ABHD12: variants seen among roughly 807,000 people sequenced by gnomAD.
The protein encoded by ABHD12 is lysophosphatidylserine lipase ABHD12.
Under a neutral mutation model 58.3 loss-of-function variants are expected in ABHD12, and 43 were observed. The observed-to-expected ratio is 0.74, with a 90% CI of 0.58 to 0.95. ABHD12 has a LOEUF of 0.95. Ranked by LOEUF, ABHD12 falls within the 40% of genes least tolerant of loss-of-function variation. The pLI is 0.00. For synonymous variants in ABHD12, 219 were observed against 211.2 expected (o/e 1.04, Z -0.32); for missense variants, 539 against 537.2 (o/e 1.00, Z -0.03).
intron 1 of ABHD12, among the ~76,000 whole-genome samples, chr20:25,367,186 C>G (rs1229050728): frequency 6.6e-6 from 1 of 152,148 alleles, no homozygotes; most frequent in Non-Finnish European, 1.5e-5. Flanking sequence ...GATTACAGCA[C>G]ACTAATTTTA....
chr20:25,345,814 A>C (rs1433219000), intron 1 of ABHD12, among the ~76,000 whole-genome samples: 1 of 152,214 alleles, frequency 6.6e-6, no homozygotes, highest in East Asian at 1.9e-4. Context: ...GAGCAACAGG[A>C]ATTCTCATTC....
At chr20:25,315,223 T>C (rs950025062) in intron 5 of ABHD12, among the ~76,000 whole-genome samples, 2 of 151,960 alleles carry the variant, frequency 1.3e-5, no homozygotes, top group Non-Finnish European at 2.9e-5. Context: ...GCTTAGACGC[T>C]AGGGGGCCAG....
chr20:25,303,665 A>T, intron 10 of ABHD12, 37 bp from the exon 11 acceptor site: 1 of 1,612,020 alleles, frequency 6.2e-7, no homozygotes. Flanking sequence ...AAGACCAGGG[A>T]AAGGGCAGAG....
intron 4 of ABHD12, 82 bp from the exon 5 acceptor site, chr20:25,317,160 C>G: frequency 1.1e-6 from 1 of 906,058 alleles, no homozygotes; most frequent in Non-Finnish European, 1.8e-6. Flanking sequence ...TACCCCAAAC[C>G]AGGGGGAGGC....
intron 3 of ABHD12, 96 bp downstream of exon 3, chr20:25,323,226 GAAC>G (rs1821450882): frequency 2.5e-6 from 2 of 798,892 alleles, no homozygotes; most frequent in South Asian, 2.7e-5. Context: ...AGATAAAAAT[GAAC>G]AACATTTCAG....
intron 1 of ABHD12, among the ~76,000 whole-genome samples, chr20:25,355,741 T>G (rs1169362152): frequency 6.6e-6 from 1 of 152,088 alleles, no homozygotes; most frequent in Admixed American, 6.6e-5. Context: ...GTATTTTTAG[T>G]AGAGACGGGG....
intron 2 of ABHD12, among the ~76,000 whole-genome samples, chr20:25,328,519 G>A (rs2089214435): frequency 1.3e-5 from 2 of 152,212 alleles, no homozygotes; most frequent in South Asian, 4.1e-4. Flanking sequence ...GGCTTCCACT[G>A]GCTCCGCTTC....
At chr20:25,315,040 ACTAAACTCAT>A in intron 5 of ABHD12, 70 bp from the exon 6 acceptor site, 8 of 1,518,830 alleles carry the variant, frequency 5.3e-6, no homozygotes, top group Non-Finnish European at 7.3e-6. Context: ...CTTGCCGCTT[ACTAAACTCAT>A]CCAACTTTCT....
intron 1 of ABHD12, among the ~76,000 whole-genome samples, chr20:25,363,656 C>T (rs895252132): frequency 1.4e-4 from 22 of 152,136 alleles, no homozygotes; most frequent in Non-Finnish European, 3.1e-4. Flanking sequence ...TACCTGAGGT[C>T]AGGAGTTTGA....
At chr20:25,362,163 C>A (rs1326143783) in intron 1 of ABHD12, among the ~76,000 whole-genome samples, 1 of 152,084 alleles carries the variant, frequency 6.6e-6, no homozygotes, top group African/African-American at 2.4e-5. Context: ...GCCTGTAATT[C>A]CAGCTACTCA....
chr20:25,382,015 C>T (rs1015133983), intron 1 of ABHD12, among the ~76,000 whole-genome samples: 2 of 152,178 alleles, frequency 1.3e-5, no homozygotes, highest in Non-Finnish European at 1.5e-5. Context: ...GAAGATGTCA[C>T]TGACCAAGCA....
chr20:25,360,978 G>A (rs970136701), intron 1 of ABHD12, among the ~76,000 whole-genome samples: 1 of 152,244 alleles, frequency 6.6e-6, no homozygotes, highest in African/African-American at 2.4e-5. Context: ...GCAGAAGTAT[G>A]TTAAAGTTTA....
intron 1 of ABHD12, among the ~76,000 whole-genome samples, chr20:25,374,123 C>T (rs1360221836): frequency 6.6e-6 from 1 of 152,054 alleles, no homozygotes; most frequent in African/African-American, 2.4e-5. Flanking sequence ...ATGAGGTCTC[C>T]CTTTGTTGCC....
intron 5 of ABHD12, among the ~76,000 whole-genome samples, chr20:25,315,273 A>G (rs1021095693): frequency 6.6e-6 from 1 of 151,732 alleles, no homozygotes; most frequent in African/African-American, 2.4e-5. Flanking sequence ...GCTGCAGGGC[A>G]GCCTCTGGGG....
intron 11 of ABHD12, 142 bp downstream of exon 11, chr20:25,303,408 C>T (rs1162792395): frequency 6.6e-7 from 1 of 1,526,508 alleles, no homozygotes; most frequent in Non-Finnish European, 8.8e-7. Flanking sequence ...AGGTGGCCTC[C>T]TGAGCCTGAC....
At chr20:25,295,625 T>C (rs749233688), downstream of ABHD12, 5 of 1,614,058 alleles carry the variant, frequency 3.1e-6, no homozygotes, top group South Asian at 4.4e-5. Context: ...TTGCAGACTA[T>C]GAAGCCTACA....
downstream of ABHD12, chr20:25,296,456 A>ACG: frequency 6.2e-7 from 1 of 1,613,948 alleles, no homozygotes; most frequent in Non-Finnish European, 8.5e-7. Flanking sequence ...CGGAGTATGC[A>ACG]CGGGAGATCT....
Position 25,300,447 on chromosome 20 carries a change from A to G in ABHD12, c.*398T>C. The G allele has an allele frequency of 8.4e-7, 1 of 1,191,970 alleles. No homozygotes were observed. Among genetic ancestry groups the G allele is most frequent in the Non-Finnish European group, 1.1e-6 (1 of 948,012 alleles). The allele number at this position is 1,191,970 out of a possible 1,614,324, so 73.8% of individuals were successfully genotyped here. A position where few individuals can be genotyped will look rare whatever the true frequency, so the allele number is the denominator to read the frequency against. On this transcript the variant is annotated 3_prime_UTR_variant, in exon 13 of 13. Transcript: ENST00000339157. ...CTGGGAAGGTGCAGAAAGAACCTGG[A>G]CCCCACGTTCTCTGTGGGTGGTGCC...
At chr20:25,381,112 C>T (rs2090016814) in intron 1 of ABHD12, among the ~76,000 whole-genome samples, 1 of 152,178 alleles carries the variant, frequency 6.6e-6, no homozygotes, top group African/African-American at 2.4e-5. Context: ...CCACCGCAGT[C>T]TGTGCTTGTC....
Sources: gnomAD v4.1 joint callset for allele counts (sites outside exome capture counted in the v4.1 genomes callset) on GRCh38, gnomAD v4.1.1 for gene constraint, MANE v1.5 for transcripts, NCBI Gene and HGNC (gene_info 2026-07-23, HGNC 2026-07-21) for gene names.